The following ANKRD55 variants were observed in gnomAD, a reference collection of about 807,000 sequenced individuals.
ANKRD55 encodes ankyrin repeat domain-containing protein 55.
ANKRD55 carries 41 observed loss-of-function variants against 60.6 expected under a neutral mutation model. That is an observed-to-expected ratio of 0.68 (90% CI 0.53 to 0.88). The LOEUF is 0.88. ANKRD55 is among the 40% of genes least tolerant of loss of function. ANKRD55 has a pLI of 0.00. For synonymous variants in ANKRD55, 264 were observed against 290.3 expected (o/e 0.91, Z 0.92); for missense variants, 732 against 767.6 (o/e 0.95, Z 0.55).
chr5:56,100,114 G>A lies in ANKRD55; in HGVS notation c.*69C>T, dbSNP rs2111646734. 1 of 1,603,540 alleles carries A rather than the reference G, an allele frequency of 6.2e-7. No individual in the cohort carries two copies. Among genetic ancestry groups the A allele is most frequent in the African/African-American group, 1.3e-5 (1 of 74,838 alleles). The stretch of plus-strand genomic sequence containing the variant: ...AAATTGGTCTTCGTTCTTACAAACT[G>A]GAGTAATCTTGTCCTTTGAGAGTTG... On this transcript the variant is annotated 3_prime_UTR_variant, in exon 12 of 12. Transcript: ENST00000341048.
chr5:56,215,439 TC>T (rs66519056), intron 2 of ANKRD55, among the ~76,000 whole-genome samples: 14,967 of 152,172 alleles, frequency 0.098, 1,309 homozygotes, highest in African/African-American at 0.24. Context: ...CAGAGCTCAT[TC>T]CAAAGGGAAG....
At chr5:56,140,475 G>A (rs547592431) in intron 7 of ANKRD55, among the ~76,000 whole-genome samples, 1 of 152,280 alleles carries the variant, frequency 6.6e-6, no homozygotes, top group African/African-American at 2.4e-5. Context: ...ATGCAAACAT[G>A]CTCACACACC....
chr5:56,173,505 T>G (rs991859411), intron 4 of ANKRD55, among the ~76,000 whole-genome samples: 1 of 148,398 alleles, frequency 6.7e-6, no homozygotes, highest in African/African-American at 2.5e-5. Context: ...GCTCCAATTC[T>G]TATATATCAA....
At chr5:56,194,629 C>T (rs543127459) in intron 2 of ANKRD55, among the ~76,000 whole-genome samples, 79 of 152,238 alleles carry the variant, frequency 5.2e-4, no homozygotes, top group African/African-American at 1.8e-3. Flanking sequence ...TCTGTTGTCT[C>T]TTTTCTAAAT....
chr5:56,129,040 G>A (rs1237256040), intron 7 of ANKRD55, among the ~76,000 whole-genome samples: 1 of 152,176 alleles, frequency 6.6e-6, no homozygotes, highest in Non-Finnish European at 1.5e-5. Flanking sequence ...AGGTTTCCAT[G>A]GTGCACCCTC....
At chr5:56,143,589 A>ATGTGTGTGTC (rs892139814) in intron 7 of ANKRD55, among the ~76,000 whole-genome samples, 5 of 152,282 alleles carry the variant, frequency 3.3e-5, no homozygotes, top group South Asian at 4.1e-4. Context: ...TGAGAGGGGT[A>ATGTGTGTGTC]TGTGTGTGTC....
At chr5:56,222,696 T>G (rs1051259609) in intron 2 of ANKRD55, among the ~76,000 whole-genome samples, 1 of 152,180 alleles carries the variant, frequency 6.6e-6, no homozygotes, top group Non-Finnish European at 1.5e-5. Context: ...ACGAGAACTA[T>G]GTGACACATG....
intron 7 of ANKRD55, among the ~76,000 whole-genome samples, chr5:56,129,528 T>TA (rs1757355170): frequency 6.6e-6 from 1 of 152,134 alleles, no homozygotes; most frequent in Non-Finnish European, 1.5e-5. Flanking sequence ...GCCTGACTCA[T>TA]AAGAAGACTT....
intron 2 of ANKRD55, among the ~76,000 whole-genome samples, chr5:56,215,522 C>T (rs1023028691): frequency 1.3e-5 from 2 of 152,178 alleles, no homozygotes; most frequent in African/African-American, 2.4e-5. Flanking sequence ...CAGAGGGAGT[C>T]GGGCACTCTG....
At chr5:56,161,318 C>T (rs1580992248) in intron 5 of ANKRD55, among the ~76,000 whole-genome samples, 1 of 152,134 alleles carries the variant, frequency 6.6e-6, no homozygotes, top group African/African-American at 2.4e-5. Flanking sequence ...TCAATGGATA[C>T]TCATCAAGAT....
At chr5:56,161,705 T>C (rs1403381983) in intron 5 of ANKRD55, among the ~76,000 whole-genome samples, 1 of 152,198 alleles carries the variant, frequency 6.6e-6, no homozygotes, top group Admixed American at 6.5e-5. Flanking sequence ...TGAGTTTCTG[T>C]ATCTTCATGT....
At position 56,111,581 on chromosome 5, in the gene ANKRD55, C is replaced by T. The variant is rs1317016953; in HGVS notation, c.1167G>A (p.Val389=). 6.2e-7 allele frequency: 1 copy of T among 1,607,710 alleles called. No homozygotes were observed. The highest frequency in any genetic ancestry group is 8.5e-7 in the Non-Finnish European group (1 of 1,177,362). The change falls in exon 10 of 12, where the codon GTG becomes GTA. Residue 389 remains valine, a synonymous_variant. Coordinates refer to ENST00000341048, the MANE Select transcript of ANKRD55 (RefSeq NM_024669.3). ...NDIITTFDSI[V]GTNCQEQPGD... ...CAGGCTGTTCTTGGCAGTTGGTACC[C>T]ACGATGCTATCAAAGGTGGTGATGA...
chr5:56,163,920 C>T (rs1206359567), intron 5 of ANKRD55, among the ~76,000 whole-genome samples: 3 of 152,024 alleles, frequency 2.0e-5, no homozygotes, highest in Admixed American at 2.0e-4. Context: ...GGTGAAACCC[C>T]GTCTGTAATA....
intron 2 of ANKRD55, among the ~76,000 whole-genome samples, 154 bp downstream of exon 2, chr5:56,232,702 C>A (rs1232017169): frequency 6.6e-6 from 1 of 151,760 alleles, no homozygotes; most frequent in Non-Finnish European, 1.5e-5. Flanking sequence ...AATCCTCTTT[C>A]CACATCCTAC....
intron 3 of ANKRD55, among the ~76,000 whole-genome samples, chr5:56,177,984 T>G (rs975069728): frequency 6.6e-6 from 1 of 152,166 alleles, no homozygotes; most frequent in African/African-American, 2.4e-5. Flanking sequence ...CTAGTAATTC[T>G]TTTAATATTT....
chr5:56,159,738 C>A, intron 6 of ANKRD55, 95 bp downstream of exon 6: 1 of 1,233,782 alleles, frequency 8.1e-7, no homozygotes, highest in Non-Finnish European at 1.2e-6. Context: ...CATGTCTCCC[C>A]GTAGCTTTTA....
chr5:56,103,000 A>T (rs1305011636), intron 10 of ANKRD55, among the ~76,000 whole-genome samples: 1 of 152,182 alleles, frequency 6.6e-6, no homozygotes, highest in Non-Finnish European at 1.5e-5. Flanking sequence ...GCACATAGGA[A>T]TTATCTAAGA....
chr5:56,202,339 CTGT>C (rs1759399821), intron 2 of ANKRD55, among the ~76,000 whole-genome samples: 1 of 152,156 alleles, frequency 6.6e-6, no homozygotes, highest in African/African-American at 2.4e-5. Flanking sequence ...CAAAGTGTGC[CTGT>C]TGTTATTATT....
chr5:56,220,649 AC>A (rs1457571632), intron 2 of ANKRD55, among the ~76,000 whole-genome samples: 1 of 152,142 alleles, frequency 6.6e-6, no homozygotes, highest in East Asian at 1.9e-4. Context: ...CCCTGTCTCT[AC>A]AAAAATACGA....
Sources: allele counts gnomAD v4.1 joint callset (sites outside exome capture counted in the v4.1 genomes callset), GRCh38; gene constraint gnomAD v4.1.1; transcripts MANE v1.5; gene names NCBI Gene and HGNC (gene_info 2026-07-23, HGNC 2026-07-21).